The following GALE variants were observed in gnomAD, a reference collection of about 807,000 sequenced individuals.
GALE encodes UDP-glucose 4-epimerase.
GALE carries 32 observed loss-of-function variants against 44.1 expected under a neutral mutation model. The ratio of observed to expected loss-of-function variants is 0.73; its 90% CI spans 0.55 to 0.97. The LOEUF (loss-of-function observed/expected upper bound fraction) is 0.97, where lower values mean the gene tolerates loss of function less well. GALE is among the 50% of genes least tolerant of loss of function. The pLI is 0.00. For missense variants in GALE, 423 were observed against 455.6 expected (o/e 0.93, Z 0.65); for synonymous variants, 182 against 183.5 (o/e 0.99, Z 0.06).
At position 23,796,364 on chromosome 1, in the gene GALE, G is replaced by A. The variant is rs537499240; in HGVS notation, c.874-99C>T. On this transcript the variant is annotated intron_variant, in intron 10 of 11. Transcript: ENST00000617979. This position sits in a 1 kb window ranked among gnomAD's most constrained non-coding sequence, Gnocchi z 5.2. The stretch of plus-strand genomic sequence containing the variant: ...AGAAGTGCAGAGCAGCGGCTGGCCC[G>A]CAGGCACCGGGTGCTAGGCAGGCTG... 3.1e-5 allele frequency: 44 copies of A among 1,437,314 alleles called. No homozygotes were observed. Among genetic ancestry groups the A allele is most frequent in the Admixed American group, 1.6e-4 (9 of 57,750 alleles). 89.0% of individuals were successfully genotyped at this position (1,437,314 alleles called of 1,614,324 possible).
rs1553130228 is a variant in GALE, at chr1:23,796,503, G to A, written c.873+6C>T. On this transcript the variant is annotated splice_donor_region_variant and intron_variant, in intron 10 of 11. Coordinates refer to ENST00000617979, the MANE Select transcript of GALE (RefSeq NM_001008216.2). The surrounding 1 kb of genome is among the most constrained non-coding windows in gnomAD (Gnocchi z 5.2). ...TGGGTGAGGTGGGTGGGGCGGGGGG[G>A]CCTACCTTCTTCCCAGAGGCCTTCT... The A allele has an allele frequency of 8.7e-7, 1 of 1,152,258 alleles. No homozygotes were observed. Among genetic ancestry groups the A allele is most frequent in the East Asian group, 3.7e-5 (1 of 27,324 alleles). 71.4% of individuals were successfully genotyped at this position (1,152,258 alleles called of 1,614,324 possible).
Position 23,796,447 on chromosome 1 carries a change from GCT to G in GALE, c.873+60_873+61del. On this transcript the variant is annotated intron_variant, in intron 10 of 11. Transcript: ENST00000617979. This position sits in a 1 kb window ranked among gnomAD's most constrained non-coding sequence, Gnocchi z 5.2. ...GAGGTGAGTGGGAAGGGCCAAAGCT[GCT>G]CTGTTGCTGAGAGCTGGGTGGGGTG... 1 of 1,509,120 alleles carries G rather than the reference GCT, an allele frequency of 6.6e-7. No individual in the cohort carries two copies. Among genetic ancestry groups the G allele is most frequent in the Non-Finnish European group, 9.0e-7 (1 of 1,107,194 alleles). The allele number at this position is 1,509,120 out of a possible 1,614,324, so 93.5% of individuals were successfully genotyped here.
Position 23,796,636 on chromosome 1 carries a change from T to C in GALE, c.796-50A>G, listed in dbSNP as rs1296877185. On this transcript the variant is annotated intron_variant, in intron 9 of 11. Coordinates refer to ENST00000617979, the MANE Select transcript of GALE (RefSeq NM_001008216.2). The surrounding 1 kb of genome is among the most constrained non-coding windows in gnomAD (Gnocchi z 5.2). ...TGGAGCGGGCTGGACTGACCACGCC[T>C]CTGGGCCGCTCTGCCTGGATCTGGT... 1.2e-6 allele frequency: 2 copies of C among 1,614,088 alleles called. No individual in the cohort carries two copies. The highest frequency in any genetic ancestry group is 1.7e-5 in the Admixed American group (1 of 60,008).
Position 23,798,740 on chromosome 1 carries a change from T to C in GALE, c.122-10A>G. On this transcript the variant is annotated splice_polypyrimidine_tract_variant and intron_variant, in intron 3 of 11. Transcript: ENST00000617979. The surrounding 1 kb of genome is among the most constrained non-coding windows in gnomAD (Gnocchi z 4.5). ...GGCAGGGAGCCCCCTCCTGGTAGGG[T>C]ACATGTAGGCCACATCATCACGACA... The C allele has an allele frequency of 6.2e-7, 1 of 1,612,096 alleles. No homozygotes were observed. Among genetic ancestry groups the C allele is most frequent in the Non-Finnish European group, 8.5e-7 (1 of 1,178,252 alleles).
rs1638949579 is a variant in GALE at position 23,796,369 on chromosome 1, C to T, written c.874-104G>A. The T allele has an allele frequency of 1.4e-6, 2 of 1,437,072 alleles. No individual in the cohort carries two copies. Among genetic ancestry groups the T allele is most frequent in the Non-Finnish European group, 2.0e-6 (2 of 1,023,350 alleles). The allele number at this position is 1,437,072 out of a possible 1,614,324, so 89.0% of individuals were successfully genotyped here. A position where few individuals can be genotyped will look rare whatever the true frequency, so the allele number is the denominator to read the frequency against. ...TGCAGAGCAGCGGCTGGCCCGCAGG[C>T]ACCGGGTGCTAGGCAGGCTGAGGAG... On this transcript the variant is annotated intron_variant, in intron 10 of 11. Coordinates refer to ENST00000617979, the MANE Select transcript of GALE (RefSeq NM_001008216.2). This position sits in a 1 kb window ranked among gnomAD's most constrained non-coding sequence, Gnocchi z 5.2.
chr1:23,796,931 C>T lies in GALE; in HGVS notation c.654G>A (p.Gly218=), dbSNP rs1638975785. 2 of 1,613,442 alleles carry T rather than the reference C, an allele frequency of 1.2e-6. No individual in the cohort carries two copies. Among genetic ancestry groups the T allele is most frequent in the Non-Finnish European group, 8.5e-7 (1 of 1,179,810 alleles). The part of the protein sequence containing the change: ...LMPYVSQVAI[G]RREALNVFGN... ...CAAAGACATTCAGGGCCTCCCGTCGCCCGATCGCCACCTGGAGGTGGAGAT... is the reference window on the plus strand; with the variant it reads ...CAAAGACATTCAGGGCCTCCCGTCGTCCGATCGCCACCTGGAGGTGGAGAT... Residue 218 remains glycine, a synonymous_variant, in exon 8 of 12, where the codon GGG becomes GGA. Transcript: ENST00000617979. This position sits in a 1 kb window ranked among gnomAD's most constrained non-coding sequence, Gnocchi z 5.2.
Position 23,797,746 on chromosome 1 carries a change from C to G in GALE, c.477G>C (p.Lys159Asn). The G allele has an allele frequency of 6.2e-7, 1 of 1,614,156 alleles. No individual in the cohort carries two copies. Among genetic ancestry groups the G allele is most frequent in the Non-Finnish European group, 8.5e-7 (1 of 1,180,032 alleles). ...PTGGCTNPYG[K>N]SKFFIEEMIR... ...TCATTTCCTCGATGAAGAACTTGGA[C>G]TTGCCGTAAGGGTTGGTACAACCAC... Residue 159 changes from lysine to asparagine, a missense_variant, in exon 6 of 12, where the codon AAG becomes AAC. Lys to Asn is a moderately conservative substitution (Grantham distance 94). Coordinates refer to ENST00000617979, the MANE Select transcript of GALE (RefSeq NM_001008216.2).
In GALE at chr1:23,797,092, C is replaced by G. The variant is rs769284363; in HGVS notation, c.584G>C (p.Gly195Ala). 6.2e-7 allele frequency: 1 copy of G among 1,613,612 alleles called. No homozygotes were observed. Among genetic ancestry groups the G allele is most frequent in the Admixed American group, 1.7e-5 (1 of 59,900 alleles). The part of the protein sequence containing the change: ...YFNPTGAHAS[G>A]CIGEDPQGIP... ...GCCCTGGGGATCCTCACCAATGCAG[C>G]CAGAGGCATGGGCACCTGTGGGGTT... The change falls in exon 7 of 12, where the codon GGC (glycine) becomes GCC (alanine). Residue 195 changes from glycine to alanine, a missense_variant. Physicochemically the swap from Gly to Ala is moderately conservative, Grantham distance 60. Transcript: ENST00000617979.
rs1171627509 is a variant in GALE, at chr1:23,796,230, A to G, written c.909T>C (p.Asp303=). ...PYKVVARREG[D]VAACYANPSL... ...TGGGGTTGGCGTAACAGGCTGCCACATCACCTTCCCGCCGTGCCACCACCT... is the reference window on the plus strand; with the variant it reads ...TGGGGTTGGCGTAACAGGCTGCCACGTCACCTTCCCGCCGTGCCACCACCT... The change falls in exon 11 of 12, where the codon GAT becomes GAC. Residue 303 remains aspartate, a synonymous_variant. Coordinates refer to ENST00000617979, the MANE Select transcript of GALE (RefSeq NM_001008216.2). The surrounding 1 kb of genome is among the most constrained non-coding windows in gnomAD (Gnocchi z 5.2). The G allele has an allele frequency of 1.2e-6, 2 of 1,613,986 alleles. No homozygotes were observed. Among genetic ancestry groups the G allele is most frequent in the African/African-American group, 2.7e-5 (2 of 74,990 alleles).
At position 23,796,988 on chromosome 1, in the gene GALE, G is replaced by T; in HGVS notation, c.642+46C>A. 1 of 1,608,592 alleles carries T rather than the reference G, an allele frequency of 6.2e-7. No homozygotes were observed. The highest frequency in any genetic ancestry group is 1.1e-5 in the South Asian group (1 of 90,200). On this transcript the variant is annotated intron_variant, in intron 7 of 11. Transcript: ENST00000617979. This position sits in a 1 kb window ranked among gnomAD's most constrained non-coding sequence, Gnocchi z 5.2. ...AGTTCGTCCCAGATCCCAGGCACCA[G>T]CTTTAACCCCAGGGCCACTCCTCTG...
chr1:23,796,463 C>CTGGGTGGGGTGAGGTGGGTGAGG lies in GALE; in HGVS notation c.873+23_873+45dup, dbSNP rs760290595. On this transcript the variant is annotated intron_variant, in intron 10 of 11. Transcript: ENST00000617979. This position sits in a 1 kb window ranked among gnomAD's most constrained non-coding sequence, Gnocchi z 5.2. ...GCCAAAGCTGCTCTGTTGCTGAGAG[C>CTGGGTGGGGTGAGGTGGGTGAGG]TGGGTGGGGTGAGGTGGGTGAGGTG... 9.6e-6 allele frequency: 11 copies of CTGGGTGGGGTGAGGTGGGTGAGG among 1,142,056 alleles called. No homozygotes were observed. Among genetic ancestry groups the CTGGGTGGGGTGAGGTGGGTGAGG allele is most frequent in the South Asian group, 3.7e-5 (3 of 82,152 alleles). 70.7% of individuals were successfully genotyped at this position (1,142,056 alleles called of 1,614,324 possible).
rs1382848092 is a variant in GALE, at chr1:23,797,719, G to T, written c.504C>A (p.Ile168=). The T allele has an allele frequency of 5.0e-6, 8 of 1,614,110 alleles. No individual in the cohort carries two copies. Among genetic ancestry groups the T allele is most frequent in the Non-Finnish European group, 5.9e-6 (7 of 1,180,006 alleles). Residue 168 remains isoleucine, a synonymous_variant, in exon 6 of 12, where the codon ATC becomes ATA. Coordinates refer to ENST00000617979, the MANE Select transcript of GALE (RefSeq NM_001008216.2). ...GKSKFFIEEM[I]RDLCQADKTW... ...CCTTGTCTGCCTGGCACAGGTCCCGGATCATTTCCTCGATGAAGAACTTGG... is the reference window on the plus strand; with the variant it reads ...CCTTGTCTGCCTGGCACAGGTCCCGTATCATTTCCTCGATGAAGAACTTGG...
chr1:23,796,483 GAGGT>G lies in GALE; in HGVS notation c.873+22_873+25del, dbSNP rs748395151. The G allele has an allele frequency of 2.2e-4, 354 of 1,604,928 alleles. 1 individual carries two copies. Among genetic ancestry groups the G allele is most frequent in the Non-Finnish European group, 2.4e-4 (282 of 1,175,744 alleles). On this transcript the variant is annotated intron_variant, in intron 10 of 11. Coordinates refer to ENST00000617979, the MANE Select transcript of GALE (RefSeq NM_001008216.2). This position sits in a 1 kb window ranked among gnomAD's most constrained non-coding sequence, Gnocchi z 5.2. Reference sequence around the variant, plus strand: ...GAGAGCTGGGTGGGGTGAGGTGGGTGAGGTGGGTGGGGCGGGGGGGCCTACCTTC... The same window carrying G: ...GAGAGCTGGGTGGGGTGAGGTGGGTGGGGTGGGGCGGGGGGGCCTACCTTC...
chr1:23,799,097 G>A (rs566776350), intron 2 of GALE, 85 bp from the exon 3 acceptor site: 10 of 1,582,308 alleles, frequency 6.3e-6, no homozygotes, highest in Admixed American at 3.5e-5. Flanking sequence ...CCCTAAGCTC[G>A]CTTTGGAAGG....
Position 23,795,783 on chromosome 1 carries a change from C to G in GALE, c.*166G>C. On this transcript the variant is annotated 3_prime_UTR_variant, in exon 12 of 12. Coordinates refer to ENST00000617979, the MANE Select transcript of GALE (RefSeq NM_001008216.2). ...GAGTTAGAGACCTCGGCCTCCTGGT[C>G]AGTGGAGCCCTTGGCCTCATGCCTG... The G allele has an allele frequency of 1.5e-6, 1 of 677,252 alleles. No individual in the cohort carries two copies. Among genetic ancestry groups the G allele is most frequent in the Non-Finnish European group, 2.7e-6 (1 of 374,644 alleles). 42.0% of individuals were successfully genotyped at this position (677,252 alleles called of 1,614,324 possible). A position where few individuals can be genotyped will look rare whatever the true frequency, so the allele number is the denominator to read the frequency against.
At position 23,797,575 on chromosome 1, in the gene GALE, C is replaced by A. The variant is rs116800971; in HGVS notation, c.528+120G>T. 5,067 of 984,018 alleles carry A rather than the reference C, an allele frequency of 5.1e-3. 155 individuals are homozygous for A. In the African/African-American group the frequency reaches 0.071, roughly 14 times the overall value. The allele number at this position is 984,018 out of a possible 1,614,324, so 61.0% of individuals were successfully genotyped here. ...CAGGGGATGGGGCCCTCCACTGCAA[C>A]TGCCTGAGCCTTAGCTTCCTCCTTA... is the stretch of plus-strand genomic sequence containing the variant. On this transcript the variant is annotated intron_variant, in intron 6 of 11. Coordinates refer to ENST00000617979, the MANE Select transcript of GALE (RefSeq NM_001008216.2).
chr1:23,797,558 G>A, intron 6 of GALE, 137 bp downstream of exon 6: 1 of 827,938 alleles, frequency 1.2e-6, no homozygotes, highest in Non-Finnish European at 2.1e-6. Flanking sequence ...AGCAGGGGAT[G>A]GGGCCCTCCA....
chr1:23,797,222 T>A lies in GALE; in HGVS notation c.529-75A>T, dbSNP rs549434653. 351 of 1,026,746 alleles carry A rather than the reference T, an allele frequency of 3.4e-4. No homozygotes were observed. In the African/African-American group the frequency reaches 5.0e-3, roughly 15 times the overall value. 63.6% of individuals were successfully genotyped at this position (1,026,746 alleles called of 1,614,324 possible). A position where few individuals can be genotyped will look rare whatever the true frequency, so the allele number is the denominator to read the frequency against. ...CCAGCTGAACCCAGAGCCCTCCTCA[T>A]GCCTATTCTGTTTTTTTGAGATGGA... On this transcript the variant is annotated intron_variant, in intron 6 of 11. Transcript: ENST00000617979.
chr1:23,800,317 G>A (rs1185061838), intron 1 of GALE: 3 of 152,650 alleles, frequency 2.0e-5, no homozygotes, highest in Non-Finnish European at 4.4e-5. Context: ...CCCCGAAAGT[G>A]GTCGCAGAGA....
Sources: allele counts gnomAD v4.1 joint callset, GRCh38; gene constraint gnomAD v4.1.1; non-coding constraint Gnocchi (gnomAD v3.1); transcripts MANE v1.5; gene names NCBI Gene and HGNC (gene_info 2026-07-23, HGNC 2026-07-21).